CAMK1D: variants seen among roughly 807,000 people sequenced by gnomAD.
CAMK1D encodes the protein calcium/calmodulin-dependent protein kinase type 1D.
Under a neutral mutation model 47.7 loss-of-function variants are expected in CAMK1D, and 9 were observed. The ratio of observed to expected loss-of-function variants is 0.19; its 90% CI spans 0.11 to 0.33. The LOEUF is 0.33. Ranked by LOEUF, CAMK1D falls within the 10% of genes least tolerant of loss-of-function variation. The probability of loss-of-function intolerance (pLI) is 1.00; values close to 1 mark genes in which losing one functional copy is unlikely to be tolerated. For missense variants in CAMK1D, 291 were observed against 488.7 expected, an observed-to-expected ratio of 0.60 and a Z score of 3.81; for synonymous variants, 184 against 184.9, an observed-to-expected ratio of 0.99 and a Z score of 0.04.
rs528627618 is a variant in CAMK1D, at chr10:12,472,666, C to T, written c.93-80559C>T. Among the ~76,000 whole-genome samples the T allele has an allele frequency of 3.5e-3, 527 of 152,192 alleles. 5 individuals are homozygous for T. The highest frequency in any genetic ancestry group is 0.012 in the African/African-American group (500 of 41,522). ...CCTCCTGAGTAGCTGGGATTACAGG[C>T]ATGCGCCACCCCGCCTACCTAATTT... On this transcript the variant is annotated intron_variant, in intron 1 of 10. Transcript: ENST00000619168.
chr10:12,398,540 G>C (rs1839052368), intron 1 of CAMK1D, among the ~76,000 whole-genome samples: 1 of 152,040 alleles, frequency 6.6e-6, no homozygotes, highest in African/African-American at 2.4e-5. Context: ...GAAGAGACGG[G>C]GTTTCACCAT....
At chr10:12,720,377 T>G (rs1834326309) in intron 3 of CAMK1D, among the ~76,000 whole-genome samples, 1 of 152,224 alleles carries the variant, frequency 6.6e-6, no homozygotes, top group African/African-American at 2.4e-5. Flanking sequence ...CATTTACAGA[T>G]GATTTTAGAC....
intron 9 of CAMK1D, 94 bp from the exon 10 acceptor site, chr10:12,825,479 T>C (rs1013052272): frequency 4.9e-6 from 6 of 1,230,290 alleles, no homozygotes; most frequent in East Asian, 2.4e-5. Flanking sequence ...GAGTTTGAAA[T>C]GCTTAGGCTA....
intron 1 of CAMK1D, among the ~76,000 whole-genome samples, chr10:12,387,397 T>TATATTATATATTATATATATTATATATA (rs199871181): frequency 2.4e-5 from 2 of 83,726 alleles, no homozygotes; most frequent in African/African-American, 9.0e-5. Flanking sequence ...ATATTATATA[T>TATATTATATATTATATATATTATATATA]TTTTATATAT....
chr10:12,737,319 G>T (rs1468414449), intron 3 of CAMK1D, among the ~76,000 whole-genome samples: 1 of 152,036 alleles, frequency 6.6e-6, no homozygotes, highest in African/African-American at 2.4e-5. Flanking sequence ...CCCCTAACCT[G>T]TGCTTCATAC....
intron 1 of CAMK1D, among the ~76,000 whole-genome samples, chr10:12,516,397 G>A (rs766545741): frequency 8.5e-5 from 13 of 152,144 alleles, no homozygotes; most frequent in East Asian, 1.9e-4. Context: ...GTGAGCCACC[G>A]CGCCCAGCCT....
intron 1 of CAMK1D, among the ~76,000 whole-genome samples, chr10:12,473,027 T>A (rs1833794868): frequency 6.6e-6 from 1 of 152,170 alleles, no homozygotes; most frequent in Non-Finnish European, 1.5e-5. Context: ...AGCGTATGCC[T>A]GACCGGAAGT....
intron 1 of CAMK1D, among the ~76,000 whole-genome samples, chr10:12,378,618 A>G (rs1185759218): frequency 2.0e-5 from 3 of 151,428 alleles, no homozygotes; most frequent in African/African-American, 4.9e-5. Flanking sequence ...GCTGATCCCA[A>G]TCCCTTTCAG....
intron 1 of CAMK1D, among the ~76,000 whole-genome samples, chr10:12,415,005 A>C (rs1839793443): frequency 6.6e-6 from 1 of 152,112 alleles, no homozygotes; most frequent in African/African-American, 2.4e-5. Context: ...ATTTTCTTTT[A>C]TAGATCCGTT....
intron 3 of CAMK1D, among the ~76,000 whole-genome samples, chr10:12,733,687 T>C (rs867080215): frequency 6.6e-6 from 1 of 152,346 alleles, no homozygotes; most frequent in East Asian, 1.9e-4. Flanking sequence ...TCATTTATGT[T>C]ATGCCATACA....
At chr10:12,548,625 T>C (rs182645590) in intron 1 of CAMK1D, among the ~76,000 whole-genome samples, 117 of 151,920 alleles carry the variant, frequency 7.7e-4, no homozygotes, top group African/African-American at 2.7e-3. Flanking sequence ...CCACCGTACC[T>C]GGCTAATTTT....
At chr10:12,407,849 CTT>C (rs1347791228) in intron 1 of CAMK1D, among the ~76,000 whole-genome samples, 3 of 126,256 alleles carry the variant, frequency 2.4e-5, no homozygotes, top group South Asian at 5.1e-4. Context: ...TTGGCTGACT[CTT>C]TTTTTTTTTT....
chr10:12,808,039 A>G (rs528660918), intron 6 of CAMK1D, among the ~76,000 whole-genome samples: 1 of 152,344 alleles, frequency 6.6e-6, no homozygotes, highest in South Asian at 2.1e-4. Context: ...CGCAGCAGCA[A>G]GCTGCTCTTC....
At chr10:12,761,180 T>G in intron 4 of CAMK1D, 94 bp downstream of exon 4, 2 of 1,459,270 alleles carry the variant, frequency 1.4e-6, no homozygotes, top group African/African-American at 2.8e-5. Context: ...ATGCAGCTGC[T>G]CTGATGTAGA....
intron 1 of CAMK1D, among the ~76,000 whole-genome samples, chr10:12,539,401 A>C (rs1588610700): frequency 6.6e-6 from 1 of 152,234 alleles, no homozygotes; most frequent in African/African-American, 2.4e-5. Flanking sequence ...GAGTGCCTAA[A>C]GTCAGAGGAT....
At chr10:12,453,053 T>C (rs1833134436) in intron 1 of CAMK1D, among the ~76,000 whole-genome samples, 1 of 152,116 alleles carries the variant, frequency 6.6e-6, no homozygotes, top group African/African-American at 2.4e-5. Context: ...ACTTTCTCCC[T>C]CTATGTATTG....
At position 12,694,206 on chromosome 10, in the gene CAMK1D, ATG is replaced by A. The variant is rs1360503099; in HGVS notation, c.299+27398_299+27399del. Among the ~76,000 whole-genome samples, 234 of 57,236 alleles carry A rather than the reference ATG, an allele frequency of 4.1e-3. 60 individuals carry two copies. The highest frequency in any genetic ancestry group is 5.0e-3 in the African/African-American group (67 of 13,360). 37.5% of individuals were successfully genotyped at this position (57,236 alleles called of 152,430 possible). A position where few individuals can be genotyped will look rare whatever the true frequency, so the allele number is the denominator to read the frequency against. ...TATAATATAATATATATTATATATT[ATG>A]TATAATATAAAATATATATTATGTA... On this transcript the variant is annotated intron_variant, in intron 3 of 10. Coordinates refer to ENST00000619168, the MANE Select transcript of CAMK1D (RefSeq NM_153498.4).
chr10:12,447,481 T>A (rs543460220), intron 1 of CAMK1D, among the ~76,000 whole-genome samples: 25 of 152,280 alleles, frequency 1.6e-4, no homozygotes, highest in African/African-American at 5.8e-4. Context: ...ACAGAAAGAT[T>A]GCTTGAGGCC....
intron 2 of CAMK1D, among the ~76,000 whole-genome samples, chr10:12,611,163 TCAC>T (rs753544691): frequency 6.6e-6 from 1 of 152,262 alleles, no homozygotes; most frequent in Admixed American, 6.5e-5. Context: ...TGTTTCCTAA[TCAC>T]CACCTTCTGC....
Sources: allele counts gnomAD v4.1 joint callset (sites outside exome capture counted in the v4.1 genomes callset), GRCh38; gene constraint gnomAD v4.1.1; transcripts MANE v1.5; gene names NCBI Gene and HGNC (gene_info 2026-07-23, HGNC 2026-07-21).